The following NFIB variants were observed in gnomAD, a reference collection of about 807,000 sequenced individuals.
The protein encoded by NFIB is nuclear factor I B, also known as nuclear factor 1 B-type.
Under a neutral mutation model 61.5 loss-of-function variants are expected in NFIB, and 11 were observed. The ratio of observed to expected loss-of-function variants is 0.18; its 90% CI spans 0.11 to 0.30. The LOEUF is 0.30. Ranked by LOEUF, NFIB falls within the 10% of genes least tolerant of loss-of-function variation. The pLI is 1.00. For synonymous variants in NFIB, 260 were observed against 216.5 expected (o/e 1.20, Z -1.76); for missense variants, 471 against 608.9 (o/e 0.77, Z 2.38).
the NFIB span, among the ~76,000 whole-genome samples, chr9:14,449,775 CA>C: frequency 1.2e-3 from 185 of 150,182 alleles, no homozygotes; most frequent in African/African-American, 4.3e-3. Context: ...ACTAAAAATA[CA>C]AAAAAAAATT....
chr9:14,346,513 G>A (rs2181405), intron 1 of NFIB, among the ~76,000 whole-genome samples: 1 of 152,074 alleles, frequency 6.6e-6, no homozygotes. Flanking sequence ...CCCAGGCCCA[G>A]CAGTCCACGC....
chr9:14,452,438 G>A, the NFIB span, among the ~76,000 whole-genome samples: 1 of 24,246 alleles, frequency 4.1e-5, no homozygotes, highest in South Asian at 1.9e-3. Flanking sequence ...GGAGGGAGGG[G>A]AAGGAAAGGA....
At chr9:14,151,068 G>A (rs2042817306) in intron 4 of NFIB, among the ~76,000 whole-genome samples, 1 of 152,118 alleles carries the variant, frequency 6.6e-6, no homozygotes. Flanking sequence ...AACTCCCTCT[G>A]TATTATAAGT....
intron 10 of NFIB, among the ~76,000 whole-genome samples, chr9:14,090,102 C>T (rs1348168860): frequency 1.3e-5 from 2 of 151,912 alleles, no homozygotes; most frequent in African/African-American, 4.8e-5. Flanking sequence ...AAGCTGTCAC[C>T]CAAGATTACA....
At chr9:14,221,265 T>C (rs968275756) in intron 2 of NFIB, among the ~76,000 whole-genome samples, 3 of 152,250 alleles carry the variant, frequency 2.0e-5, no homozygotes, top group South Asian at 2.1e-4. Context: ...TTGAATAATA[T>C]TGCAAATAGT....
Position 14,387,682 on chromosome 9 carries a change from T to G in NFIB, c.108+10842A>C, listed in dbSNP as rs530501073. Among the ~76,000 whole-genome samples the G allele has an allele frequency of 8.0e-4, 122 of 152,260 alleles. 1 individual carries two copies. In the East Asian group the frequency reaches 0.016, roughly 20 times the overall value. On this transcript the variant is annotated intron_variant, in intron 1 of 8. Coordinates refer to the NFIB transcript ENST00000380934. ...TCACATCTATCAGACCAGCAAAAAA[T>G]TTTCCAGTCTGACAAGGTAGGCATG...
intron 2 of NFIB, among the ~76,000 whole-genome samples, chr9:14,252,469 T>A (rs574745997): frequency 3.3e-5 from 5 of 152,282 alleles, no homozygotes; most frequent in African/African-American, 1.2e-4. Context: ...AATAAAGTTT[T>A]AACTGCTGAG....
At chr9:14,384,076 C>T (rs993211064) in intron 1 of NFIB, among the ~76,000 whole-genome samples, 1 of 152,210 alleles carries the variant, frequency 6.6e-6, no homozygotes, top group African/African-American at 2.4e-5. Flanking sequence ...TCATGAGGAG[C>T]ACGCCACATG....
intron 2 of NFIB, among the ~76,000 whole-genome samples, chr9:14,240,901 G>C (rs553085739): frequency 1.6e-4 from 25 of 152,288 alleles, no homozygotes; most frequent in Non-Finnish European, 2.5e-4. Context: ...AAGTGACAGC[G>C]TAAGATGGAG....
intron 1 of NFIB, among the ~76,000 whole-genome samples, chr9:14,319,566 T>C (rs1034183332): frequency 1.3e-5 from 2 of 152,246 alleles, no homozygotes; most frequent in Non-Finnish European, 2.9e-5. Flanking sequence ...ATAGCTGACC[T>C]ATAAAGTAAA....
the NFIB span, among the ~76,000 whole-genome samples, chr9:14,425,228 G>A: frequency 6.6e-6 from 1 of 152,206 alleles, no homozygotes; most frequent in Non-Finnish European, 1.5e-5. Flanking sequence ...TAGGTCTAGT[G>A]GTACTGCTCT....
At chr9:14,093,094 T>C (rs1220160798) in intron 10 of NFIB, among the ~76,000 whole-genome samples, 2 of 152,064 alleles carry the variant, frequency 1.3e-5, no homozygotes, top group African/African-American at 4.8e-5. Context: ...ACATTAAACA[T>C]GTATGAAGCC....
intron 1 of NFIB, among the ~76,000 whole-genome samples, chr9:14,348,355 C>G (rs2061060147): frequency 6.6e-6 from 1 of 151,842 alleles, no homozygotes; most frequent in Non-Finnish European, 1.5e-5. Context: ...AAAAAAGACC[C>G]CAAATTGGCT....
the NFIB span, among the ~76,000 whole-genome samples, chr9:14,471,768 A>C: frequency 3.9e-5 from 6 of 152,158 alleles, no homozygotes; most frequent in African/African-American, 4.8e-5. Flanking sequence ...TACCAAGCTA[A>C]TTTGCGACAA....
the NFIB span, among the ~76,000 whole-genome samples, chr9:14,456,689 T>A: frequency 1.4e-4 from 22 of 152,180 alleles, no homozygotes; most frequent in Middle Eastern, 3.2e-3. Context: ...ATTGCAGAGA[T>A]CCCAGAGTTT....
At chr9:14,496,232 G>C in the NFIB span, among the ~76,000 whole-genome samples, 1 of 152,128 alleles carries the variant, frequency 6.6e-6, no homozygotes, top group Non-Finnish European at 1.5e-5. Context: ...GAGACATCTT[G>C]GGGATGGAAC....
At chr9:14,179,878 A>C in intron 2 of NFIB, 98 bp from the exon 3 acceptor site, 1 of 1,220,300 alleles carries the variant, frequency 8.2e-7, no homozygotes, top group African/African-American at 1.5e-5. Context: ...AGGTATAAAA[A>C]TGAAGTTGAG....
upstream of NFIB, among the ~76,000 whole-genome samples, chr9:14,401,936 G>C (rs1452575858): frequency 6.6e-6 from 1 of 152,186 alleles, no homozygotes; most frequent in Non-Finnish European, 1.5e-5. Flanking sequence ...ACTGTCACAA[G>C]TATATATGAC....
chr9:14,325,627 A>C (rs1274430851), intron 1 of NFIB, among the ~76,000 whole-genome samples: 3 of 152,078 alleles, frequency 2.0e-5, no homozygotes, highest in African/African-American at 7.2e-5. Context: ...ATTTCTCAAA[A>C]ATAGAGAAAG....
Sources: allele counts gnomAD v4.1 joint callset (sites outside exome capture counted in the v4.1 genomes callset), GRCh38; gene constraint gnomAD v4.1.1; transcripts MANE v1.5; gene names NCBI Gene and HGNC (gene_info 2026-07-23, HGNC 2026-07-21).